Variants in TM2D1 observed in about 807,000 individuals in gnomAD.
The protein encoded by TM2D1 is TM2 domain containing 1, also known as TM2 domain-containing protein 1.
Under a neutral mutation model 28.4 loss-of-function variants are expected in TM2D1, and 15 were observed. The observed-to-expected ratio is 0.53, with a 90% CI of 0.35 to 0.81. The LOEUF is 0.81. Ranked by LOEUF, TM2D1 falls within the 40% of genes least tolerant of loss-of-function variation. TM2D1 has a pLI of 0.01. For missense variants in TM2D1, 236 were observed against 254.9 expected, an observed-to-expected ratio of 0.93 and a Z score of 0.50; for synonymous variants, 93 against 96.2, an observed-to-expected ratio of 0.97 and a Z score of 0.20.
chr1:61,690,484 C>T (rs202202211), intron 5 of TM2D1, among the ~76,000 whole-genome samples: 1 of 117,116 alleles, frequency 8.5e-6, no homozygotes, highest in Non-Finnish European at 1.8e-5. Context: ...AAAAAAAACA[C>T]AAAACAAAAC....
At chr1:61,691,933 A>AATATATATATATATATATATG (rs1491136530) in intron 5 of TM2D1, among the ~76,000 whole-genome samples, 1 of 83,026 alleles carries the variant, frequency 1.2e-5, no homozygotes, top group East Asian at 5.1e-4. Flanking sequence ...AAAAAAAAAA[A>AATATATATATATATATATATG]TATATATATA....
intron 3 of TM2D1, 38 bp from the exon 4 acceptor site, chr1:61,701,063 G>T: frequency 1.3e-6 from 2 of 1,507,728 alleles, no homozygotes; most frequent in Non-Finnish European, 1.8e-6. Flanking sequence ...TATTTCCAAT[G>T]TGAACATTTT....
chr1:61,723,165 T>C (rs1376606878), intron 2 of TM2D1, among the ~76,000 whole-genome samples: 1 of 152,100 alleles, frequency 6.6e-6, no homozygotes, highest in Non-Finnish European at 1.5e-5. Context: ...CATAAACACA[T>C]ACCCCAAATC....
At chr1:61,723,614 G>GA (rs1394984836) in intron 2 of TM2D1, 99 bp downstream of exon 2, 4 of 566,062 alleles carry the variant, frequency 7.1e-6, no homozygotes, top group South Asian at 3.4e-5. Flanking sequence ...TTATCATTTA[G>GA]AAAAAATGCA....
At chr1:61,691,932 A>AAAAAAAATATAT in intron 5 of TM2D1, among the ~76,000 whole-genome samples, 10 of 76,400 alleles carry the variant, frequency 1.3e-4, no homozygotes, top group Non-Finnish European at 1.8e-4. Flanking sequence ...AAAAAAAAAA[A>AAAAAAAATATAT]ATATATATAT....
chr1:61,719,515 G>A lies in TM2D1; in HGVS notation c.238+4198C>T, dbSNP rs369547254. Among the ~76,000 whole-genome samples, 196 of 151,484 alleles carry A rather than the reference G, an allele frequency of 1.3e-3. 1 individual carries two copies. Among genetic ancestry groups the A allele is most frequent in the South Asian group, 7.1e-3 (34 of 4,784 alleles). ...TTTTTGTTTTTGTTTGTTTTGAGAC[G>A]GAGTTTCACTCTTGTTGCCCAGGCT... is the stretch of plus-strand genomic sequence containing the variant. On this transcript the variant is annotated intron_variant, in intron 2 of 6. Coordinates refer to ENST00000606498, the MANE Select transcript of TM2D1 (RefSeq NM_032027.3).
intron 5 of TM2D1, chr1:61,687,062 G>T: frequency 1.2e-6 from 1 of 821,696 alleles, no homozygotes; most frequent in Non-Finnish European, 1.5e-6. Context: ...TCCTGAAGCT[G>T]GCTGGGCACA....
intron 3 of TM2D1, among the ~76,000 whole-genome samples, chr1:61,707,709 C>G: frequency 6.6e-6 from 1 of 152,110 alleles, no homozygotes; most frequent in East Asian, 1.9e-4. Flanking sequence ...AAGATAGAAT[C>G]AAAAGCCCCT....
At chr1:61,699,021 G>A (rs1282382446) in intron 4 of TM2D1, 1 of 152,056 alleles carries the variant, frequency 6.6e-6, no homozygotes, top group Non-Finnish European at 1.5e-5. Flanking sequence ...ATTCTTAATA[G>A]AAATTACAAT....
At position 61,701,043 on chromosome 1, in the gene TM2D1, C is replaced by T; in HGVS notation, c.348-18G>A. 6.4e-7 allele frequency: 1 copy of T among 1,574,544 alleles called. No individual in the cohort carries two copies. Among genetic ancestry groups the T allele is most frequent in the Non-Finnish European group, 8.7e-7 (1 of 1,152,210 alleles). Reference sequence around the variant, plus strand: ...AGCCATTTCTGCAAAAAATTAAAATCTGAGTATCATATTTCCAATGTGAAC... The same window carrying T: ...AGCCATTTCTGCAAAAAATTAAAATTTGAGTATCATATTTCCAATGTGAAC... On this transcript the variant is annotated intron_variant, in intron 3 of 6. Transcript: ENST00000606498.
At chr1:61,707,735 G>A (rs759359236) in intron 3 of TM2D1, among the ~76,000 whole-genome samples, 1 of 152,192 alleles carries the variant, frequency 6.6e-6, no homozygotes, top group Non-Finnish European at 1.5e-5. Flanking sequence ...ACTCAATGAG[G>A]TAGGGTCAAA....
At chr1:61,716,249 A>T (rs1468562498) in intron 2 of TM2D1, among the ~76,000 whole-genome samples, 2 of 150,908 alleles carry the variant, frequency 1.3e-5, no homozygotes, top group Non-Finnish European at 2.9e-5. Flanking sequence ...AGCCTAGGAG[A>T]TCCAGGCTGC....
intron 2 of TM2D1, among the ~76,000 whole-genome samples, chr1:61,722,249 G>A (rs1047594309): frequency 2.6e-5 from 4 of 152,092 alleles, no homozygotes; most frequent in African/African-American, 9.7e-5. Context: ...TGGCACCACT[G>A]CACTCCAGCC....
chr1:61,723,987 G>A (rs1644586742), intron 1 of TM2D1, among the ~76,000 whole-genome samples: 1 of 152,184 alleles, frequency 6.6e-6, no homozygotes, highest in African/African-American at 2.4e-5. Context: ...TGGAGCCCAG[G>A]AGTTTGGGAA....
chr1:61,697,588 C>T (rs78193025), intron 4 of TM2D1: 223 of 152,282 alleles, frequency 1.5e-3, no homozygotes, highest in African/African-American at 5.0e-3. Context: ...CATGCAATGA[C>T]ATACACTGTA....
intron 6 of TM2D1, 35 bp downstream of exon 6, chr1:61,683,382 C>A: frequency 1.4e-6 from 1 of 701,478 alleles, no homozygotes; most frequent in Non-Finnish European, 2.2e-6. Context: ...TAATATACCA[C>A]TATAAGATAT....
At chr1:61,691,562 C>T (rs1386569211) in intron 5 of TM2D1, among the ~76,000 whole-genome samples, 1 of 131,200 alleles carries the variant, frequency 7.6e-6, no homozygotes, top group South Asian at 2.5e-4. Context: ...ATAATCAAAA[C>T]AATCTCATTT....
At chr1:61,717,783 A>G (rs1287594423) in intron 2 of TM2D1, among the ~76,000 whole-genome samples, 1 of 152,168 alleles carries the variant, frequency 6.6e-6, no homozygotes, top group Non-Finnish European at 1.5e-5. Context: ...ATGTTAAACC[A>G]GAAATAATGT....
chr1:61,691,910 C>CA (rs1202759467), intron 5 of TM2D1, among the ~76,000 whole-genome samples: 12 of 38,434 alleles, frequency 3.1e-4, no homozygotes, highest in African/African-American at 7.5e-4. Flanking sequence ...AACTCCATCT[C>CA]AAAAAAAACT....
Sources: gnomAD v4.1 joint callset for allele counts (sites outside exome capture counted in the v4.1 genomes callset) on GRCh38, gnomAD v4.1.1 for gene constraint, MANE v1.5 for transcripts, NCBI Gene and HGNC (gene_info 2026-07-23, HGNC 2026-07-21) for gene names.